The following FIG4 variants were observed in gnomAD, a reference collection of about 807,000 sequenced individuals.
FIG4 encodes the protein FIG4 phosphoinositide 5-phosphatase, also known as polyphosphoinositide phosphatase.
In FIG4, 112 loss-of-function variants were observed where a neutral mutation model predicts 118.6. The observed-to-expected ratio is 0.94, with a 90% CI of 0.81 to 1.11. The LOEUF (loss-of-function observed/expected upper bound fraction) is 1.11, where lower values mean the gene tolerates loss of function less well. FIG4 is among the 50% of genes least tolerant of loss of function. The pLI is 0.00. For synonymous variants in FIG4, 369 were observed against 381.2 expected, an observed-to-expected ratio of 0.97 and a Z score of 0.37; for missense variants, 969 against 1,111.7, an observed-to-expected ratio of 0.87 and a Z score of 1.83.
At chr6:109,803,056 C>A (rs1405531976) in intron 22 of FIG4, among the ~76,000 whole-genome samples, 1 of 152,102 alleles carries the variant, frequency 6.6e-6, no homozygotes, top group Non-Finnish European at 1.5e-5. Context: ...TTTTGGAAAA[C>A]CATACATAAT....
At position 109,777,189 on chromosome 6, in the gene FIG4, T is replaced by G. The variant is rs1017740210; in HGVS notation, c.1889+129T>G. 1.2e-4 allele frequency: 94 copies of G among 813,830 alleles called. No homozygotes were observed. The East Asian group carries it at 2.3e-3, about 20-fold the overall frequency. The allele number at this position is 813,830 out of a possible 1,614,324, so 50.4% of individuals were successfully genotyped here. ...TTTTATTTTTTAAAATTTTTAAAATTTTTTGTGGGTACGTAGTAGGTGTAT... is the reference window on the plus strand; with the variant it reads ...TTTTATTTTTTAAAATTTTTAAAATGTTTTGTGGGTACGTAGTAGGTGTAT... On this transcript the variant is annotated intron_variant, in intron 16 of 22. Coordinates refer to ENST00000230124, the MANE Select transcript of FIG4 (RefSeq NM_014845.6).
intron 20 of FIG4, 57 bp downstream of exon 20, chr6:109,791,628 C>T: frequency 1.3e-6 from 2 of 1,502,676 alleles, no homozygotes; most frequent in Non-Finnish European, 1.8e-6. Flanking sequence ...ATGATCTTTA[C>T]AACTCCGCTT....
At chr6:109,819,300 C>A (rs1456991089) in intron 22 of FIG4, among the ~76,000 whole-genome samples, 1 of 152,212 alleles carries the variant, frequency 6.6e-6, no homozygotes, top group East Asian at 1.9e-4. Flanking sequence ...AGGCACCTTG[C>A]TCAGATAGTA....
chr6:109,743,265 T>A lies in FIG4; in HGVS notation c.1032T>A (p.Pro344=). Residue 344 remains proline, a synonymous_variant, in exon 9 of 23, where the codon CCT becomes CCA. Transcript: ENST00000230124. ...QDISTMMPKP[P]ITLDQADPFA... is the part of the protein sequence containing the mutation. ...TTTCAACTATGATGCCTAAACCACCTATTACATGTGTGTGGAGCCATGTTT... is the reference window on the plus strand; with the variant it reads ...TTTCAACTATGATGCCTAAACCACCAATTACATGTGTGTGGAGCCATGTTT... 1 of 1,612,464 alleles carries A rather than the reference T, an allele frequency of 6.2e-7. No homozygotes were observed. Among genetic ancestry groups the A allele is most frequent in the Non-Finnish European group, 8.5e-7 (1 of 1,178,864 alleles).
intron 15 of FIG4, among the ~76,000 whole-genome samples, chr6:109,772,064 A>G (rs1777482959): frequency 6.6e-6 from 1 of 152,194 alleles, no homozygotes; most frequent in South Asian, 2.1e-4. Context: ...CTGCCCTGCC[A>G]TGACACCGAA....
At chr6:109,703,045 T>C (rs956557906) in intron 1 of FIG4, among the ~76,000 whole-genome samples, 3 of 152,160 alleles carry the variant, frequency 2.0e-5, no homozygotes, top group African/African-American at 7.2e-5. Flanking sequence ...TATGGCCTCG[T>C]TTTGGTAGAG....
intron 2 of FIG4, 68 bp downstream of exon 2, chr6:109,715,244 C>T (rs1775394700): frequency 6.4e-6 from 5 of 780,212 alleles, no homozygotes; most frequent in Non-Finnish European, 1.1e-5. Context: ...ATGAAATATC[C>T]TTACAGTTTT....
intron 15 of FIG4, among the ~76,000 whole-genome samples, chr6:109,769,700 G>A (rs1389131328): frequency 6.6e-6 from 1 of 151,422 alleles, no homozygotes; most frequent in Non-Finnish European, 1.5e-5. Flanking sequence ...CAGGAGGGCT[G>A]CTTGGCCCAG....
intron 12 of FIG4, among the ~76,000 whole-genome samples, chr6:109,763,261 T>A (rs1015682216): frequency 6.6e-6 from 1 of 152,248 alleles, no homozygotes; most frequent in Non-Finnish European, 1.5e-5. Flanking sequence ...GAAACCCTCC[T>A]GAAATTTAAG....
At chr6:109,799,564 A>G (rs1237064337) in intron 22 of FIG4, among the ~76,000 whole-genome samples, 1 of 152,238 alleles carries the variant, frequency 6.6e-6, no homozygotes, top group Non-Finnish European at 1.5e-5. Flanking sequence ...TAATAAGTTC[A>G]AGTTCATACA....
chr6:109,721,561 A>C (rs1475784684), intron 3 of FIG4, among the ~76,000 whole-genome samples: 2 of 152,128 alleles, frequency 1.3e-5, no homozygotes, highest in South Asian at 4.1e-4. Flanking sequence ...GGAGAGAGAA[A>C]TCACTTTTGC....
intron 15 of FIG4, among the ~76,000 whole-genome samples, chr6:109,775,253 T>A (rs764717181): frequency 3.2e-4 from 48 of 152,286 alleles, no homozygotes; most frequent in Non-Finnish European, 1.6e-4. Context: ...CAGGAGAAGA[T>A]CCTTGGGCTC....
intron 4 of FIG4, among the ~76,000 whole-genome samples, chr6:109,728,885 A>G (rs571774469): frequency 6.6e-5 from 10 of 152,320 alleles, no homozygotes; most frequent in African/African-American, 2.4e-4. Context: ...AAGAATACTA[A>G]TACAAATTAT....
chr6:109,714,165 G>T (rs760358021), intron 1 of FIG4, among the ~76,000 whole-genome samples: 10 of 152,150 alleles, frequency 6.6e-5, no homozygotes, highest in Non-Finnish European at 1.0e-4. Context: ...GTCTCCTTCT[G>T]TCAGGATTCC....
At chr6:109,719,324 G>A (rs375263185) in intron 3 of FIG4, among the ~76,000 whole-genome samples, 7 of 152,012 alleles carry the variant, frequency 4.6e-5, no homozygotes, top group South Asian at 2.1e-4. Flanking sequence ...TAAATGTAAC[G>A]AAGTGAAAAT....
chr6:109,805,303 C>T (rs1404428655), intron 22 of FIG4, among the ~76,000 whole-genome samples: 1 of 152,148 alleles, frequency 6.6e-6, no homozygotes, highest in Non-Finnish European at 1.5e-5. Flanking sequence ...CTTGAAGTCC[C>T]TTGATCAACA....
At chr6:109,703,673 C>G (rs1158081729) in intron 1 of FIG4, among the ~76,000 whole-genome samples, 1 of 152,156 alleles carries the variant, frequency 6.6e-6, no homozygotes, top group Non-Finnish European at 1.5e-5. Context: ...TCAGACATCT[C>G]TGTTGTGGAT....
chr6:109,757,828 G>T (rs1216278844), intron 10 of FIG4, among the ~76,000 whole-genome samples: 1 of 152,150 alleles, frequency 6.6e-6, no homozygotes, highest in African/African-American at 2.4e-5. Context: ...AATAGACAGA[G>T]AGTCAAATCA....
chr6:109,703,593 G>A (rs1774967518), intron 1 of FIG4, among the ~76,000 whole-genome samples: 1 of 152,164 alleles, frequency 6.6e-6, no homozygotes, highest in Admixed American at 6.5e-5. Flanking sequence ...TATGGTTTTA[G>A]TAAGATGTTT....
Sources: allele counts gnomAD v4.1 joint callset (sites outside exome capture counted in the v4.1 genomes callset), GRCh38; gene constraint gnomAD v4.1.1; transcripts MANE v1.5; gene names NCBI Gene and HGNC (gene_info 2026-07-23, HGNC 2026-07-21).